Variants in TLN2 observed in about 807,000 individuals in gnomAD.
The protein encoded by TLN2 is talin-2.
Under a neutral mutation model 294.7 loss-of-function variants are expected in TLN2, and 118 were observed. The observed-to-expected ratio is 0.40, with a 90% confidence interval of 0.34 to 0.47. The LOEUF is 0.47. Among genes scored for constraint, TLN2 ranks in the 20% least tolerant of loss-of-function variants. TLN2 has a pLI of 0.84. For synonymous variants in TLN2, 1,431 were observed against 1,304.5 expected, an observed-to-expected ratio of 1.10 and a Z score of -2.09; for missense variants, 3,083 against 3,282.2, an observed-to-expected ratio of 0.94 and a Z score of 1.48.
chr15:62,404,531 A>G (rs1225837750), intron 1 of TLN2, among the ~76,000 whole-genome samples: 3 of 152,114 alleles, frequency 2.0e-5, no homozygotes. Flanking sequence ...ACCCAGGTTA[A>G]AAGATCCCCA....
intron 1 of TLN2, among the ~76,000 whole-genome samples, chr15:62,485,846 G>A (rs908858745): frequency 2.0e-5 from 3 of 152,174 alleles, no homozygotes; most frequent in Non-Finnish European, 2.9e-5. Context: ...GTGGAGAGGG[G>A]CACCATCACC....
rs763609417 is a variant in TLN2 at position 62,701,180 on chromosome 15, G to A, written c.1662G>A (p.Thr554=). 22 of 1,614,072 alleles carry A rather than the reference G, an allele frequency of 1.4e-5. No individual in the cohort carries two copies. Among genetic ancestry groups the A allele is most frequent in the South Asian group, 9.9e-5 (9 of 91,078 alleles). ...TCCATTCTCAAGTTGATGCTATCAC[G>A]GCCGGAACGGCTTCAGTTGTTAACC... ...HEIHSQVDAI[T]AGTASVVNLT... The change falls in exon 17 of 59, where the codon ACG becomes ACA. Residue 554 remains threonine (T), a synonymous_variant. Coordinates refer to ENST00000636159, the MANE Select transcript of TLN2 (RefSeq NM_015059.3).
chr15:62,658,399 T>G (rs925057083), intron 9 of TLN2, among the ~76,000 whole-genome samples: 1 of 152,136 alleles, frequency 6.6e-6, no homozygotes, highest in Non-Finnish European at 1.5e-5. Context: ...TTCACTTTGG[T>G]GGAAAGTAGT....
At chr15:62,492,130 T>A in intron 1 of TLN2, among the ~76,000 whole-genome samples, 1 of 152,062 alleles carries the variant, frequency 6.6e-6, no homozygotes, top group African/African-American at 2.4e-5. Context: ...CTATTATAGA[T>A]AAATTAGAAG....
chr15:62,482,862 C>T lies in TLN2; in HGVS notation c.-238+92177C>T, dbSNP rs963310143. On this transcript the variant is annotated intron_variant, in intron 1 of 58. Coordinates refer to ENST00000636159, the MANE Select transcript of TLN2 (RefSeq NM_015059.3). ...CTTCGTGGCCTCATTGTGGGGTTTC[C>T]CTGTACTTCCCCAGCCCTCCCTGAG... Among the ~76,000 whole-genome samples, 4 of 152,104 alleles carry T rather than the reference C, an allele frequency of 2.6e-5. No individual in the cohort carries two copies. The South Asian group carries it at 6.2e-4, about 24-fold the overall frequency.
intron 33 of TLN2, among the ~76,000 whole-genome samples, chr15:62,748,785 AT>A (rs917188783): frequency 1.6e-4 from 24 of 152,218 alleles, no homozygotes; most frequent in Non-Finnish European, 5.9e-5. Flanking sequence ...TACCTAAAAA[AT>A]ATTGGAGAGA....
intron 1 of TLN2, among the ~76,000 whole-genome samples, chr15:62,546,602 G>GA (rs2042007089): frequency 6.6e-6 from 1 of 152,158 alleles, no homozygotes; most frequent in Non-Finnish European, 1.5e-5. Context: ...CCAGTTGCAA[G>GA]GACAGCATAG....
At chr15:62,510,626 A>G (rs993541578) in intron 1 of TLN2, among the ~76,000 whole-genome samples, 1 of 152,140 alleles carries the variant, frequency 6.6e-6, no homozygotes, top group Non-Finnish European at 1.5e-5. Context: ...TTTTATCCCC[A>G]CTAATTCATG....
At chr15:62,650,756 T>C (rs1007897848) in intron 5 of TLN2, among the ~76,000 whole-genome samples, 3 of 152,196 alleles carry the variant, frequency 2.0e-5, no homozygotes, top group African/African-American at 7.2e-5. Context: ...AGTGCACCCA[T>C]CAGATTGATG....
intron 1 of TLN2, among the ~76,000 whole-genome samples, chr15:62,445,259 A>G (rs1281410846): frequency 6.6e-6 from 1 of 152,202 alleles, no homozygotes; most frequent in African/African-American, 2.4e-5. Context: ...GTGGCTTTAC[A>G]GTGACCTCCA....
At chr15:62,812,321 T>C (rs534492164) in intron 52 of TLN2, among the ~76,000 whole-genome samples, 1 of 152,192 alleles carries the variant, frequency 6.6e-6, no homozygotes, top group African/African-American at 2.4e-5. Context: ...CTGTGCAGCA[T>C]TGATAATGTA....
At position 62,694,819 on chromosome 15, in the gene TLN2, A is replaced by G. The variant is rs573746318; in HGVS notation, c.1292+427A>G. On this transcript the variant is annotated intron_variant, in intron 14 of 58. Coordinates refer to ENST00000636159, the MANE Select transcript of TLN2 (RefSeq NM_015059.3). ...TTACGGTGAAGCACTGCTGCATGCC[A>G]CGCTTGTCTCGAGTGCTGTGAGGTA... is the stretch of plus-strand genomic sequence containing the variant. 2.6e-5 allele frequency among the ~76,000 whole-genome samples: 4 copies of G among 152,248 alleles called. No individual in the cohort carries two copies. In the South Asian group the frequency reaches 8.3e-4, roughly 32 times the overall value.
At chr15:62,604,892 G>GCCTCCT (rs539174724) in intron 2 of TLN2, among the ~76,000 whole-genome samples, 14 of 151,300 alleles carry the variant, frequency 9.3e-5, no homozygotes, top group African/African-American at 1.2e-4. Flanking sequence ...CGCTGCCGCC[G>GCCTCCT]CCTCCTCCTC....
chr15:62,549,695 G>C (rs1333413116), intron 1 of TLN2, among the ~76,000 whole-genome samples: 13 of 152,216 alleles, frequency 8.5e-5, no homozygotes, highest in Non-Finnish European at 5.9e-5. Flanking sequence ...TTAGAGAAGA[G>C]TGGTTTCTCT....
chr15:62,791,196 A>T (rs1203955785), intron 45 of TLN2, among the ~76,000 whole-genome samples: 3 of 151,380 alleles, frequency 2.0e-5, no homozygotes, highest in Admixed American at 1.3e-4. Flanking sequence ...AAAAAAAAAA[A>T]ATACAAAAAT....
intron 1 of TLN2, among the ~76,000 whole-genome samples, chr15:62,518,479 G>A (rs1402742578): frequency 6.6e-6 from 1 of 152,174 alleles, no homozygotes; most frequent in African/African-American, 2.4e-5. Flanking sequence ...ACTTGTCTGA[G>A]CCTCAGGTTT....
In TLN2 at chr15:62,818,453, G is replaced by C. The variant is rs573784563; in HGVS notation, c.6772-1063G>C. Among the ~76,000 whole-genome samples the C allele has an allele frequency of 3.9e-5, 6 of 152,350 alleles. No homozygotes were observed. The East Asian group carries it at 1.2e-3, about 29-fold the overall frequency. ...TAGATCCCTGGTGGAAGATGGGGAAGAGCTCTTATCCTGTGTCGTGGTTCC... is the reference window on the plus strand; with the variant it reads ...TAGATCCCTGGTGGAAGATGGGGAACAGCTCTTATCCTGTGTCGTGGTTCC... On this transcript the variant is annotated intron_variant, in intron 52 of 58. Coordinates refer to ENST00000636159, the MANE Select transcript of TLN2 (RefSeq NM_015059.3).
intron 1 of TLN2, among the ~76,000 whole-genome samples, chr15:62,439,935 C>G (rs1424534290): frequency 1.3e-5 from 2 of 152,094 alleles, no homozygotes; most frequent in Non-Finnish European, 2.9e-5. Context: ...TTTCTAGGGA[C>G]AGGAACTCCC....
At chr15:62,422,171 A>G (rs2034442013) in intron 1 of TLN2, among the ~76,000 whole-genome samples, 1 of 145,146 alleles carries the variant, frequency 6.9e-6, no homozygotes, top group African/African-American at 2.5e-5. Context: ...GAGGCAGGAG[A>G]ATCAGCCATT....
Sources: allele counts gnomAD v4.1 joint callset (sites outside exome capture counted in the v4.1 genomes callset), GRCh38; gene constraint gnomAD v4.1.1; transcripts MANE v1.5; gene names NCBI Gene and HGNC (gene_info 2026-07-23, HGNC 2026-07-21).